CADPS2: variants seen among roughly 807,000 people sequenced by gnomAD.
CADPS2 encodes calcium dependent secretion activator 2, also known as calcium-dependent secretion activator 2.
In CADPS2, 93 loss-of-function variants were observed where a neutral mutation model predicts 172.5. The observed-to-expected ratio is 0.54, with a 90% CI of 0.46 to 0.64. CADPS2 has a LOEUF of 0.64. CADPS2 is among the 30% of genes least tolerant of loss of function. The pLI is 0.00. For synonymous variants in CADPS2, 546 were observed against 555.2 expected (o/e 0.98, Z 0.23); for missense variants, 1,420 against 1,565.9 (o/e 0.91, Z 1.57).
chr7:122,322,769 T>C (rs764005614), intron 29 of CADPS2, among the ~76,000 whole-genome samples: 2 of 152,242 alleles, frequency 1.3e-5, no homozygotes, highest in Non-Finnish European at 2.9e-5. Context: ...GCAACATGAA[T>C]GAACCAATTG....
intron 1 of CADPS2, among the ~76,000 whole-genome samples, chr7:122,848,252 G>C (rs566065278): frequency 6.6e-6 from 1 of 152,318 alleles, no homozygotes; most frequent in Non-Finnish European, 1.5e-5. Context: ...AGGCAGTGTT[G>C]CAGGAAGACA....
chr7:122,709,299 T>G (rs1041141619), intron 2 of CADPS2, among the ~76,000 whole-genome samples: 1 of 151,938 alleles, frequency 6.6e-6, no homozygotes, highest in Non-Finnish European at 1.5e-5. Flanking sequence ...AAAAGACACA[T>G]GAAAAAATGC....
Position 122,505,513 on chromosome 7 carries a change from T to G in CADPS2, c.1542+7736A>C, listed in dbSNP as rs548697341. Among the ~76,000 whole-genome samples, 4 of 152,312 alleles carry G rather than the reference T, an allele frequency of 2.6e-5. No individual in the cohort carries two copies. The South Asian group carries it at 8.3e-4, about 32-fold the overall frequency. ...CTTAAATGGCAAAGTATTGAAACAT[T>G]TGCTTTTAGCTTTTAACTTCTTAAA... On this transcript the variant is annotated intron_variant, in intron 9 of 29. Coordinates refer to ENST00000449022, the MANE Select transcript of CADPS2 (RefSeq NM_017954.11).
intron 1 of CADPS2, among the ~76,000 whole-genome samples, chr7:122,777,520 T>G (rs1434560922): frequency 6.6e-6 from 1 of 152,166 alleles, no homozygotes; most frequent in Non-Finnish European, 1.5e-5. Flanking sequence ...TGATACAGTT[T>G]GGCTATGTCC....
intron 20 of CADPS2, among the ~76,000 whole-genome samples, chr7:122,405,135 A>C (rs984023828): frequency 6.6e-6 from 1 of 151,622 alleles, no homozygotes; most frequent in African/African-American, 2.4e-5. Flanking sequence ...AAAAAACAAA[A>C]AAACAAAACA....
At chr7:122,795,869 GCA>G (rs1224494902) in intron 1 of CADPS2, among the ~76,000 whole-genome samples, 1 of 152,090 alleles carries the variant, frequency 6.6e-6, no homozygotes, top group East Asian at 1.9e-4. Flanking sequence ...GGGCTGTCAG[GCA>G]AGAGAAAGCA....
At chr7:122,666,861 C>G (rs2081244488) in intron 2 of CADPS2, among the ~76,000 whole-genome samples, 1 of 152,140 alleles carries the variant, frequency 6.6e-6, no homozygotes, top group Non-Finnish European at 1.5e-5. Context: ...TGGACAGCTT[C>G]CCCCTAGAAC....
chr7:122,556,928 TTTAG>T (rs2065103479), intron 7 of CADPS2, among the ~76,000 whole-genome samples: 1 of 152,160 alleles, frequency 6.6e-6, no homozygotes. Context: ...GGTTTCCTGA[TTTAG>T]TTAATTTCTG....
In CADPS2 at chr7:122,425,409, G is replaced by A. The variant is rs370066287; in HGVS notation, c.2477-9245C>T. ...TCAAGACCAGCCTGGGCAACGTGGC[G>A]AAACCCTATCTCTACCAAAAAAAAA... On this transcript the variant is annotated intron_variant, in intron 17 of 29. Coordinates refer to ENST00000449022, the MANE Select transcript of CADPS2 (RefSeq NM_017954.11). 1.1e-3 allele frequency among the ~76,000 whole-genome samples: 132 copies of A among 122,618 alleles called. 1 individual carries two copies. The highest frequency in any genetic ancestry group is 7.2e-3 in the East Asian group (30 of 4,166). The allele number at this position is 122,618 out of a possible 152,430, so 80.4% of individuals were successfully genotyped here.
chr7:122,809,579 CAAAA>C (rs34872485), intron 1 of CADPS2, among the ~76,000 whole-genome samples: 6 of 101,708 alleles, frequency 5.9e-5, no homozygotes, highest in Non-Finnish European at 8.6e-5. Context: ...GACACTGTCT[CAAAA>C]AAAAAAAAAA....
intron 3 of CADPS2, among the ~76,000 whole-genome samples, chr7:122,649,898 A>ATTTTTTTTTTTTTT (rs71531909): frequency 0.02 from 1,019 of 52,012 alleles, 269 homozygotes; most frequent in East Asian, 0.022. Context: ...GTATTCAATG[A>ATTTTTTTTTTTTTT]TTTTTTTTTT....
At chr7:122,862,894 G>A (rs912876049) in intron 1 of CADPS2, among the ~76,000 whole-genome samples, 1 of 152,184 alleles carries the variant, frequency 6.6e-6, no homozygotes, top group East Asian at 1.9e-4. Flanking sequence ...GATATAACTA[G>A]TCAAGAAGAT....
chr7:122,363,678 AATGG>A (rs1251764481), intron 25 of CADPS2, among the ~76,000 whole-genome samples: 1 of 152,078 alleles, frequency 6.6e-6, no homozygotes, highest in Non-Finnish European at 1.5e-5. Context: ...ACCTTACAAG[AATGG>A]TCTGAAGATC....
At chr7:122,379,639 TG>T (rs1563191663) in intron 24 of CADPS2, among the ~76,000 whole-genome samples, 197 bp from the exon 25 acceptor site, 1 of 152,148 alleles carries the variant, frequency 6.6e-6, no homozygotes, top group Non-Finnish European at 1.5e-5. Flanking sequence ...AATTTTCCCA[TG>T]TGCACTGTTG....
chr7:122,366,610 TACACACACACAC>T (rs200926726), intron 25 of CADPS2, among the ~76,000 whole-genome samples: 106 of 126,222 alleles, frequency 8.4e-4, no homozygotes, highest in East Asian at 1.8e-3. Flanking sequence ...ATCTCAAAAA[TACACACACACAC>T]ACACACACAC....
chr7:122,526,665 CTT>C (rs2061263598), intron 8 of CADPS2, among the ~76,000 whole-genome samples: 1 of 152,160 alleles, frequency 6.6e-6, no homozygotes, highest in South Asian at 2.1e-4. Context: ...TGATTTAGTT[CTT>C]GAGTCTCATA....
chr7:122,864,025 G>A (rs866007595), intron 1 of CADPS2, among the ~76,000 whole-genome samples: 7 of 151,902 alleles, frequency 4.6e-5, no homozygotes, highest in African/African-American at 9.7e-5. Flanking sequence ...GCGAGATTCC[G>A]TCTCAAAAAA....
intron 1 of CADPS2, among the ~76,000 whole-genome samples, chr7:122,864,058 G>T (rs1481274279): frequency 6.0e-5 from 9 of 150,424 alleles, no homozygotes; most frequent in African/African-American, 2.0e-4. Context: ...AGTGTAGATA[G>T]AGATCTTCAT....
At chr7:122,759,957 A>T (rs916475692) in intron 1 of CADPS2, among the ~76,000 whole-genome samples, 9 of 151,628 alleles carry the variant, frequency 5.9e-5, no homozygotes, top group Non-Finnish European at 1.0e-4. Context: ...CACAAATTTT[A>T]TTTATGTGGG....
Sources: allele counts gnomAD v4.1 joint callset (sites outside exome capture counted in the v4.1 genomes callset), GRCh38; gene constraint gnomAD v4.1.1; transcripts MANE v1.5; gene names NCBI Gene and HGNC (gene_info 2026-07-23, HGNC 2026-07-21).